The following CD36 variants were observed in gnomAD, a reference collection of about 807,000 sequenced individuals.
The protein encoded by CD36 is CD36 molecule (CD36 blood group), also known as platelet glycoprotein 4.
In CD36, 119 loss-of-function variants were observed where a neutral mutation model predicts 55.2. That is an observed-to-expected ratio of 2.15 (90% CI 1.86 to 2.51). The LOEUF (loss-of-function observed/expected upper bound fraction) is 2.51. CD36 is among the 30% of genes most tolerant of loss of function. The probability of loss-of-function intolerance (pLI) is 0.00; values close to 1 mark genes in which losing one functional copy is unlikely to be tolerated. For synonymous variants in CD36, 186 were observed against 193.6 expected (o/e 0.96, Z 0.33); for missense variants, 819 against 555.5 (o/e 1.47, Z -4.77).
chr7:80,670,975 AG>A lies in CD36; in HGVS notation c.819del. The A allele has an allele frequency of 6.2e-7, 1 of 1,606,818 alleles. No homozygotes were observed. The highest frequency in any genetic ancestry group is 8.5e-7 in the Non-Finnish European group (1 of 1,173,580). On this transcript the variant is annotated splice_acceptor_variant, in intron 9 of 14. Transcript: ENST00000447544. LOFTEE classifies it high-confidence loss of function. ...ATGCAGCTCTTTTTTCTCTGTATTT[AG>A]GTCAATCTATGCTGTATTTGAATCC... is the stretch of plus-strand genomic sequence containing the variant.
rs1562829077 is a variant in CD36 at position 80,674,137 on chromosome 7, CAATA to C, written c.1412_1415del (p.Ile471AsnfsTer14). ...TCATATTGTGCATGCAGATCGAAAA[CAATA>C]AAATAAGTAAGTATGTACCAAAAAA... is the stretch of plus-strand genomic sequence containing the variant. On this transcript the variant is annotated frameshift_variant, in exon 14 of 15. Coordinates refer to ENST00000447544, the MANE Select transcript of CD36 (RefSeq NM_001001548.3). LOFTEE classifies it high-confidence loss of function. 1.2e-6 allele frequency: 2 copies of C among 1,609,544 alleles called. No homozygotes were observed. The highest frequency in any genetic ancestry group is 1.3e-5 in the African/African-American group (1 of 74,760).
At chr7:80,674,928 A>G (rs1478811289) in intron 14 of CD36, among the ~76,000 whole-genome samples, 1 of 152,098 alleles carries the variant, frequency 6.6e-6, no homozygotes, top group Non-Finnish European at 1.5e-5. Flanking sequence ...GATCCCTAAT[A>G]CAATTTCATG....
intron 1 of CD36, among the ~76,000 whole-genome samples, chr7:80,628,163 A>G (rs1282561305): frequency 6.6e-6 from 1 of 151,996 alleles, no homozygotes; most frequent in Non-Finnish European, 1.5e-5. Context: ...CATTTCTTTT[A>G]AAAATCTATG....
chr7:80,646,644 A>G lies in CD36; in HGVS notation c.-89-8A>G, dbSNP rs1584368166. 7.0e-7 allele frequency: 1 copy of G among 1,422,594 alleles called. No homozygotes were observed. The highest frequency in any genetic ancestry group is 2.3e-5 in the East Asian group (1 of 43,758). The allele number at this position is 1,422,594 out of a possible 1,614,324, so 88.1% of individuals were successfully genotyped here. Reference sequence around the variant, plus strand: ...AGCTTCTGTTTTATGATCTCTTTCTAATGATAGAACCAGAGCTTGTAGAAA... The same window carrying G: ...AGCTTCTGTTTTATGATCTCTTTCTGATGATAGAACCAGAGCTTGTAGAAA... On this transcript the variant is annotated splice_region_variant and splice_polypyrimidine_tract_variant and intron_variant, in intron 2 of 14. Coordinates refer to ENST00000447544, the MANE Select transcript of CD36 (RefSeq NM_001001548.3).
intron 1 of CD36, among the ~76,000 whole-genome samples, chr7:80,629,879 T>C (rs1327638962): frequency 7.1e-6 from 1 of 141,196 alleles, no homozygotes; most frequent in Non-Finnish European, 1.5e-5. Flanking sequence ...GTCTGGAGAC[T>C]GATAAATTCA....
At chr7:80,647,052 T>G in intron 3 of CD36, 192 bp downstream of exon 3, 1 of 568,080 alleles carries the variant, frequency 1.8e-6, no homozygotes, top group Non-Finnish European at 3.1e-6. Context: ...AATGTATATT[T>G]AACATGACTC....
intron 1 of CD36, among the ~76,000 whole-genome samples, chr7:80,618,621 T>C (rs1236427271): frequency 2.6e-5 from 4 of 152,112 alleles, no homozygotes; most frequent in Non-Finnish European, 4.4e-5. Context: ...ATTGCTGATA[T>C]AGAGAAAGTT....
intron 9 of CD36, chr7:80,670,293 A>G (rs1797535302): frequency 9.1e-6 from 4 of 440,970 alleles, no homozygotes; most frequent in Non-Finnish European, 1.7e-5. Context: ...CTTTCTAAAG[A>G]CATACAGAGA....
At chr7:80,621,169 G>T (rs1235531224) in intron 1 of CD36, among the ~76,000 whole-genome samples, 1 of 151,996 alleles carries the variant, frequency 6.6e-6, no homozygotes, top group Non-Finnish European at 1.5e-5. Flanking sequence ...TAGCAATAAG[G>T]TATTTTAAAG....
chr7:80,645,774 G>GA (rs1321014761), intron 1 of CD36, among the ~76,000 whole-genome samples: 1 of 152,102 alleles, frequency 6.6e-6, no homozygotes, highest in Non-Finnish European at 1.5e-5. Context: ...AATGTGTAGG[G>GA]AAAAAATTCT....
intron 4 of CD36, 64 bp downstream of exon 4, chr7:80,656,764 T>C (rs1381973488): frequency 2.1e-6 from 3 of 1,418,414 alleles, no homozygotes; most frequent in South Asian, 2.3e-5. Flanking sequence ...AGAAGTCTTC[T>C]ACTTGGCAAA....
intron 13 of CD36, 88 bp downstream of exon 13, chr7:80,673,497 A>C (rs1797936648): frequency 1.2e-6 from 1 of 821,312 alleles, no homozygotes; most frequent in Non-Finnish European, 2.2e-6. Flanking sequence ...TATAGTATTT[A>C]AAGCTATATG....
At chr7:80,632,406 A>G (rs1794131739) in intron 1 of CD36, among the ~76,000 whole-genome samples, 1 of 152,020 alleles carries the variant, frequency 6.6e-6, no homozygotes, top group Non-Finnish European at 1.5e-5. Flanking sequence ...GTTCCTGGAA[A>G]ACGTTTGTGT....
At chr7:80,623,720 C>G (rs1429233624) in intron 1 of CD36, among the ~76,000 whole-genome samples, 1 of 152,114 alleles carries the variant, frequency 6.6e-6, no homozygotes, top group African/African-American at 2.4e-5. Context: ...GTTTCTTCTC[C>G]CAGACCAGGA....
chr7:80,663,275 A>G, intron 6 of CD36, 106 bp downstream of exon 6: 1 of 935,230 alleles, frequency 1.1e-6, no homozygotes, highest in Non-Finnish European at 1.7e-6. Flanking sequence ...CTTATTGCTG[A>G]TCTGGAGACA....
chr7:80,675,628 G>GAT (rs1455534070), intron 14 of CD36, among the ~76,000 whole-genome samples: 1 of 151,908 alleles, frequency 6.6e-6, no homozygotes, highest in African/African-American at 2.4e-5. Flanking sequence ...ATAAACTGTT[G>GAT]ATTACTTGAT....
In CD36 at chr7:80,662,445, C is replaced by T. The variant is rs116484782; in HGVS notation, c.430-545C>T. On this transcript the variant is annotated intron_variant, in intron 5 of 14. Transcript: ENST00000447544. Reference sequence around the variant, plus strand: ...TGGAGCTTGTGGCCAGCATTTCATCCGCACCATTGGTCAGGTCACTGGCAG... The same window carrying T: ...TGGAGCTTGTGGCCAGCATTTCATCTGCACCATTGGTCAGGTCACTGGCAG... 4.8e-3 allele frequency: 1,183 copies of T among 246,988 alleles called. 13 individuals carry two copies. Among genetic ancestry groups the T allele is most frequent in the African/African-American group, 0.026 (1,114 of 43,540 alleles). 15.3% of individuals were successfully genotyped at this position (246,988 alleles called of 1,614,324 possible).
At chr7:80,620,634 A>T (rs74524365) in intron 1 of CD36, among the ~76,000 whole-genome samples, 21,173 of 151,940 alleles carry the variant, frequency 0.14, 2,212 homozygotes, top group East Asian at 0.34. Flanking sequence ...TTCCCCCAGG[A>T]TGTAGGGTGG....
At chr7:80,666,367 TTATAA>T (rs1554344269) in intron 7 of CD36, 71 bp from the exon 8 acceptor site, 1 of 948,106 alleles carries the variant, frequency 1.1e-6, no homozygotes, top group African/African-American at 1.6e-5. Context: ...AAGTATTGAA[TTATAA>T]TAGAAAAAGT....
Sources: gnomAD v4.1 joint callset for allele counts (sites outside exome capture counted in the v4.1 genomes callset) on GRCh38, gnomAD v4.1.1 for gene constraint, MANE v1.5 for transcripts, NCBI Gene and HGNC (gene_info 2026-07-23, HGNC 2026-07-21) for gene names.